GRAP: variants seen among roughly 807,000 people sequenced by gnomAD.
GRAP encodes the protein GRB2-related adapter protein.
In GRAP, 2 loss-of-function variants were observed where a neutral mutation model predicts 9.1. The observed-to-expected ratio is 0.22, with a 90% CI of 0.09 to 0.69. The LOEUF (loss-of-function observed/expected upper bound fraction) is 0.69, where lower values mean the gene tolerates loss of function less well. Among genes scored for constraint, GRAP ranks in the 30% least tolerant of loss-of-function variants. GRAP has a pLI of 0.81. For synonymous variants in GRAP, 68 were observed against 73.6 expected (o/e 0.92, Z 0.39); for missense variants, 113 against 179.4 (o/e 0.63, Z 2.12).
In GRAP at chr17:19,024,946, C is replaced by G. The variant is rs968543932; in HGVS notation, c.300-563G>C. Among the ~76,000 whole-genome samples the G allele has an allele frequency of 1.3e-5, 2 of 152,190 alleles. No homozygotes were observed. The highest frequency in any genetic ancestry group is 6.5e-5 in the Admixed American group (1 of 15,274). On this transcript the variant is annotated intron_variant, in intron 3 of 4. Transcript: ENST00000284154. This position sits in a 1 kb window ranked among gnomAD's most constrained non-coding sequence, Gnocchi z 4.2. Reference sequence around the variant, plus strand: ...TTGAATGTCTCACGTCCTCCCCCTCCCATGAACCTTCCGTGGCTTCTCCCT... The same window carrying G: ...TTGAATGTCTCACGTCCTCCCCCTCGCATGAACCTTCCGTGGCTTCTCCCT...
At chr17:19,027,482 GCGCACACACA>G (rs992889132) in intron 3 of GRAP, among the ~76,000 whole-genome samples, 3 of 115,984 alleles carry the variant, frequency 2.6e-5, no homozygotes, top group Admixed American at 9.0e-5. Flanking sequence ...GCGCGCGCGC[GCGCACACACA>G]CACACACACA....
In GRAP at chr17:19,025,242, A is replaced by C. The variant is rs145421074; in HGVS notation, c.300-859T>G. Among the ~76,000 whole-genome samples the C allele has an allele frequency of 8.1e-3, 1,172 of 144,160 alleles. 16 individuals carry two copies. The highest frequency in any genetic ancestry group is 0.028 in the African/African-American group (1,086 of 38,838). 94.6% of individuals were successfully genotyped at this position (144,160 alleles called of 152,430 possible). A position where few individuals can be genotyped will look rare whatever the true frequency, so the allele number is the denominator to read the frequency against. ...AGTCTCGCTCTGTCACCCAGGCTAG[A>C]GTGCAATGGCGCTATCTCGGCTCAC... On this transcript the variant is annotated intron_variant, in intron 3 of 4. Transcript: ENST00000284154.
chr17:19,043,955 C>CTT (rs999128072), intron 1 of GRAP, among the ~76,000 whole-genome samples: 1 of 137,502 alleles, frequency 7.3e-6, no homozygotes. Flanking sequence ...TTTCTTTTTT[C>CTT]TTTTTTTTTT....
At chr17:19,022,749 C>T (rs1344921143) in intron 4 of GRAP, among the ~76,000 whole-genome samples, 2 of 152,196 alleles carry the variant, frequency 1.3e-5, no homozygotes, top group Non-Finnish European at 2.9e-5. Context: ...GAGCTCTCTG[C>T]AGCACATCTG....
At chr17:19,022,936 T>G (rs1161204278) in intron 4 of GRAP, among the ~76,000 whole-genome samples, 1 of 152,208 alleles carries the variant, frequency 6.6e-6, no homozygotes, top group South Asian at 2.1e-4. Context: ...CTGAGGCAGC[T>G]CTGGAGTCGA....
intron 3 of GRAP, among the ~76,000 whole-genome samples, chr17:19,027,478 GCGCGCGCACACA>G (rs2044316880): frequency 2.5e-5 from 2 of 80,748 alleles, no homozygotes; most frequent in African/African-American, 6.8e-5. Context: ...ATGCGCGCGC[GCGCGCGCACACA>G]CACACACACA....
rs115811363 is a variant in GRAP at position 19,022,302 on chromosome 17, C to A, written c.469-158G>T. The A allele has an allele frequency of 4.0e-3, 1,944 of 483,558 alleles. 30 individuals are homozygous for A. Among genetic ancestry groups the A allele is most frequent in the African/African-American group, 0.035 (1,751 of 49,520 alleles). 30.0% of individuals were successfully genotyped at this position (483,558 alleles called of 1,614,324 possible). A position where few individuals can be genotyped will look rare whatever the true frequency, so the allele number is the denominator to read the frequency against. On this transcript the variant is annotated intron_variant, in intron 4 of 4. Coordinates refer to ENST00000284154, the MANE Select transcript of GRAP (RefSeq NM_006613.4). ...GTCCAGATCAATGGTAGTGCCACCA[C>A]TGGGCCTCCTGCTGCCCACACCCCT...
chr17:19,022,177 T>G, intron 4 of GRAP, 33 bp from the exon 5 acceptor site: 1 of 1,290,242 alleles, frequency 7.8e-7, no homozygotes. Context: ...GTAGGGTGCC[T>G]TCAGAAGCCC....
rs1049194322 is a variant in GRAP at position 19,020,770 on chromosome 17, G to A, written c.*1189C>T. The A allele has an allele frequency of 2.1e-5, 7 of 329,524 alleles. No individual in the cohort carries two copies. In the East Asian group the frequency reaches 5.1e-4, roughly 24 times the overall value. The allele number at this position is 329,524 out of a possible 1,614,324, so 20.4% of individuals were successfully genotyped here. A position where few individuals can be genotyped will look rare whatever the true frequency, so the allele number is the denominator to read the frequency against. On this transcript the variant is annotated 3_prime_UTR_variant, in exon 5 of 5. Transcript: ENST00000284154. ...GATTTGCCAGCACTCAGGGTTCTAA[G>A]GGTCTTGGGCCAGCTCTGGATGGAG...
Position 19,023,819 on chromosome 17 carries a change from G to A in GRAP, c.468+396C>T, listed in dbSNP as rs186833107. Among the ~76,000 whole-genome samples the A allele has an allele frequency of 6.9e-4, 105 of 152,124 alleles. 1 individual carries two copies. In the East Asian group the frequency reaches 0.018, roughly 27 times the overall value. On this transcript the variant is annotated intron_variant, in intron 4 of 4. Transcript: ENST00000284154. ...TCCTCATCTGTATAATGGGCATGAT[G>A]AGGCTCCCAGAGTACAGAGACCAGT...
Position 19,024,126 on chromosome 17 carries a change from G to A in GRAP, c.468+89C>T, listed in dbSNP as rs557786542. 1.4e-5 allele frequency: 18 copies of A among 1,304,246 alleles called. No individual in the cohort carries two copies. The highest frequency in any genetic ancestry group is 1.0e-4 in the African/African-American group (7 of 68,710). 80.8% of individuals were successfully genotyped at this position (1,304,246 alleles called of 1,614,324 possible). On this transcript the variant is annotated intron_variant, in intron 4 of 4. Transcript: ENST00000284154. This position sits in a 1 kb window ranked among gnomAD's most constrained non-coding sequence, Gnocchi z 4.2. Reference sequence around the variant, plus strand: ...CTGCTGGGGAAGTGAGACCAGGCCCGTGCTTGGCCTCAGTGTCAGCATCTC... The same window carrying A: ...CTGCTGGGGAAGTGAGACCAGGCCCATGCTTGGCCTCAGTGTCAGCATCTC...
In GRAP at chr17:19,024,383, G is replaced by A; in HGVS notation, c.300C>T (p.Asn100=). The A allele has an allele frequency of 6.2e-6, 10 of 1,610,604 alleles. No individual in the cohort carries two copies. The highest frequency in any genetic ancestry group is 8.5e-6 in the Non-Finnish European group (10 of 1,178,946). The change falls in exon 4 of 5, where the codon AAC becomes AAT. Residue 100 remains asparagine, a splice_region_variant and synonymous_variant. Coordinates refer to ENST00000284154, the MANE Select transcript of GRAP (RefSeq NM_006613.4). This position sits in a 1 kb window ranked among gnomAD's most constrained non-coding sequence, Gnocchi z 4.2. The part of the protein sequence containing the change: ...SSPGEFSVSV[N]YGDQVQHFKV... ...TGAAGTGCTGCACCTGGTCTCCATA[G>A]CTAGGGGAAAGGACCCGGGGCCACC... is the stretch of plus-strand genomic sequence containing the variant.
chr17:19,024,904 A>C lies in GRAP; in HGVS notation c.300-521T>G, dbSNP rs2044301039. 6.6e-6 allele frequency among the ~76,000 whole-genome samples: 1 copy of C among 152,158 alleles called. No individual in the cohort carries two copies. Among genetic ancestry groups the C allele is most frequent in the Non-Finnish European group, 1.5e-5 (1 of 68,026 alleles). On this transcript the variant is annotated intron_variant, in intron 3 of 4. Coordinates refer to ENST00000284154, the MANE Select transcript of GRAP (RefSeq NM_006613.4). This position sits in a 1 kb window ranked among gnomAD's most constrained non-coding sequence, Gnocchi z 4.2. ...ACTCAGACCAAAGCCTACTGCTATG[A>C]GAGGAGCTCAGACCTGTTGAATGTC... is the stretch of plus-strand genomic sequence containing the variant.
In GRAP at chr17:19,024,103, G is replaced by A. The variant is rs2044294064; in HGVS notation, c.468+112C>T. ...TGGACGCCTCTTGCAATACCAGGCT[G>A]CTGGGGAAGTGAGACCAGGCCCGTG... On this transcript the variant is annotated intron_variant, in intron 4 of 4. Coordinates refer to ENST00000284154, the MANE Select transcript of GRAP (RefSeq NM_006613.4). This position sits in a 1 kb window ranked among gnomAD's most constrained non-coding sequence, Gnocchi z 4.2. 1 of 1,074,676 alleles carries A rather than the reference G, an allele frequency of 9.3e-7. No individual in the cohort carries two copies. The highest frequency in any genetic ancestry group is 1.4e-6 in the Non-Finnish European group (1 of 736,796). The allele number at this position is 1,074,676 out of a possible 1,614,324, so 66.6% of individuals were successfully genotyped here. A position where few individuals can be genotyped will look rare whatever the true frequency, so the allele number is the denominator to read the frequency against.
intron 4 of GRAP, among the ~76,000 whole-genome samples, chr17:19,023,755 T>G (rs1390984028): frequency 1.3e-5 from 2 of 151,242 alleles, no homozygotes. Flanking sequence ...ACCAGGTAAG[T>G]GTCCTTGGAT....
In GRAP at chr17:19,021,790, G is replaced by A; in HGVS notation, c.*169C>T. On this transcript the variant is annotated 3_prime_UTR_variant, in exon 5 of 5. Transcript: ENST00000284154. This position sits in a 1 kb window ranked among gnomAD's most constrained non-coding sequence, Gnocchi z 4.1. Reference sequence around the variant, plus strand: ...GCTGGGTACCCTTGCTGGGGGACCTGGGCCATCCCAGTTTGTGCAGAGCGG... The same window carrying A: ...GCTGGGTACCCTTGCTGGGGGACCTAGGCCATCCCAGTTTGTGCAGAGCGG... 1.7e-6 allele frequency: 1 copy of A among 577,266 alleles called. No individual in the cohort carries two copies. The highest frequency in any genetic ancestry group is 3.5e-5 in the East Asian group (1 of 28,856). 35.8% of individuals were successfully genotyped at this position (577,266 alleles called of 1,614,324 possible). A position where few individuals can be genotyped will look rare whatever the true frequency, so the allele number is the denominator to read the frequency against.
chr17:19,040,871 C>CA (rs1229147527), intron 2 of GRAP, among the ~76,000 whole-genome samples: 1 of 100,684 alleles, frequency 9.9e-6, no homozygotes, highest in Non-Finnish European at 1.6e-5. Context: ...ACACATCCTT[C>CA]AAAATCTCAC....
chr17:19,023,855 G>A (rs530927161), intron 4 of GRAP, among the ~76,000 whole-genome samples: 1 of 151,990 alleles, frequency 6.6e-6, no homozygotes, highest in African/African-American at 2.4e-5. Flanking sequence ...TCAGTGCATG[G>A]TACCCAGTAT....
In GRAP at chr17:19,021,045, T is replaced by C. The variant is rs1184343572; in HGVS notation, c.*914A>G. On this transcript the variant is annotated 3_prime_UTR_variant, in exon 5 of 5. Transcript: ENST00000284154. The surrounding 1 kb of genome is among the most constrained non-coding windows in gnomAD (Gnocchi z 4.1). ...ATATCCCTGATCATGGCACATTCTC[T>C]GGAGGACCCTCCTGTTCTCGGGTAG... is the stretch of plus-strand genomic sequence containing the variant. 1.3e-5 allele frequency: 2 copies of C among 152,744 alleles called. No individual in the cohort carries two copies. Among genetic ancestry groups the C allele is most frequent in the African/African-American group, 4.8e-5 (2 of 41,446 alleles). 9.5% of individuals were successfully genotyped at this position (152,744 alleles called of 1,614,324 possible).
Sources: gnomAD v4.1 joint callset for allele counts (sites outside exome capture counted in the v4.1 genomes callset) on GRCh38, gnomAD v4.1.1 for gene constraint, Gnocchi (gnomAD v3.1) non-coding constraint, MANE v1.5 for transcripts, NCBI Gene and HGNC (gene_info 2026-07-23, HGNC 2026-07-21) for gene names.